COL5A3: variants seen among roughly 807,000 people sequenced by gnomAD.
The protein encoded by COL5A3 is collagen type V alpha 3 chain, also known as collagen alpha-3(V) chain.
A neutral mutation model predicts 250.0 loss-of-function variants in COL5A3; 172 were observed. The ratio of observed to expected loss-of-function variants is 0.69; its 90% CI spans 0.61 to 0.78. The LOEUF (loss-of-function observed/expected upper bound fraction) is 0.78. Ranked by LOEUF, COL5A3 falls within the 30% of genes least tolerant of loss-of-function variation. The pLI is 0.00. For synonymous variants in COL5A3, 937 were observed against 900.4 expected (o/e 1.04, Z -0.73); for missense variants, 2,340 against 2,334.4 (o/e 1.00, Z -0.05).
chr19:9,982,298 C>T (rs2087022529), intron 31 of COL5A3, among the ~76,000 whole-genome samples, 180 bp from the exon 32 acceptor site: 1 of 152,118 alleles, frequency 6.6e-6, no homozygotes, highest in Non-Finnish European at 1.5e-5. Flanking sequence ...CCTCTCCTCC[C>T]TTCTCATTTC....
rs749019616 is a variant in COL5A3, at chr19:9,972,993, A to T, written c.3700T>A (p.Ser1234Thr). The change falls in exon 51 of 67, where the codon TCA (serine) becomes ACA (threonine). Residue 1234 changes from serine (S) to threonine (T), a missense_variant. Transcript: ENST00000264828. ...PKGDIGEKGD[S>T]GPSGAAGPPG... ...GGTCCAGCAGCTCCAGATGGGCCTG[A>T]GTCCCCCTTTTCACCAATGTCTCCC... The T allele has an allele frequency of 3.1e-6, 5 of 1,610,868 alleles. No individual in the cohort carries two copies.
chr19:9,960,578 G>C, intron 66 of COL5A3, 21 bp from the exon 67 acceptor site: 2 of 1,613,950 alleles, frequency 1.2e-6, no homozygotes, highest in Middle Eastern at 1.7e-4. Flanking sequence ...AGAAGACAGA[G>C]ACGGTGAGTT....
Position 9,986,614 on chromosome 19 carries a change from GGAGA to G in COL5A3, c.2191-12_2191-9del, listed in dbSNP as rs1313655596. ...TGGGAAGCCGTCCTCTCCCTGGGTG[GGAGA>G]GACAGAGGCCAGAAGTGAGGGCCTC... On this transcript the variant is annotated splice_polypyrimidine_tract_variant and intron_variant, in intron 28 of 66. Coordinates refer to ENST00000264828, the MANE Select transcript of COL5A3 (RefSeq NM_015719.4). 1 of 1,613,944 alleles carries G rather than the reference GGAGA, an allele frequency of 6.2e-7. No homozygotes were observed. Among genetic ancestry groups the G allele is most frequent in the Admixed American group, 1.7e-5 (1 of 59,984 alleles).
Position 9,989,469 on chromosome 19 carries a change from C to T in COL5A3, c.2046G>A (p.Leu682=). The T allele has an allele frequency of 6.2e-7, 1 of 1,613,656 alleles. No homozygotes were observed. The highest frequency in any genetic ancestry group is 1.1e-5 in the South Asian group (1 of 90,998). The part of the protein sequence containing the change: ...IPGLPGSDGP[L]GHPGHEGPTG... ...CCTTTTCCCAGCTCATGGTTCTCAC[C>T]AGAGGGCCATCGGATCCTGGGAGGC... The change falls in exon 25 of 67, where the codon CTG becomes CTA. Residue 682 remains leucine, a splice_region_variant and synonymous_variant. Transcript: ENST00000264828.
At chr19:9,964,446 T>TA (rs2086710612) in intron 64 of COL5A3, among the ~76,000 whole-genome samples, 1 of 151,632 alleles carries the variant, frequency 6.6e-6, no homozygotes, top group African/African-American at 2.4e-5. Flanking sequence ...ATAAGAAATT[T>TA]AAAAAATTAG....
chr19:9,996,593 G>T (rs751830748), intron 12 of COL5A3, 22 bp downstream of exon 12: 4 of 1,613,804 alleles, frequency 2.5e-6, no homozygotes, highest in Non-Finnish European at 3.4e-6. Context: ...CCCAAGGCTG[G>T]GCCACTCCAT....
intron 61 of COL5A3, 113 bp downstream of exon 61, chr19:9,967,791 G>A (rs1207438861): frequency 8.4e-6 from 9 of 1,072,110 alleles, no homozygotes; most frequent in African/African-American, 3.2e-5. Flanking sequence ...TTTGTCGAAC[G>A]CACGATTGCA....
At chr19:9,993,867 T>G in intron 16 of COL5A3, 61 bp from the exon 17 acceptor site, 1 of 1,452,830 alleles carries the variant, frequency 6.9e-7, no homozygotes, top group South Asian at 1.2e-5. Flanking sequence ...TCCACCAAAT[T>G]AGGAACCCAA....
At position 10,001,543 on chromosome 19, in the gene COL5A3, G is replaced by C. The variant is rs376280051; in HGVS notation, c.1091C>G (p.Thr364Ser). 2 of 1,614,110 alleles carry C rather than the reference G, an allele frequency of 1.2e-6. No homozygotes were observed. The highest frequency in any genetic ancestry group is 1.7e-6 in the Non-Finnish European group (2 of 1,180,022). The change falls in exon 8 of 67, where the codon ACT becomes AGT. Residue 364 changes from threonine (T) to serine (S), a missense_variant. Thr to Ser is a moderately conservative substitution (Grantham distance 58, BLOSUM62 1). This residue lies in a region of COL5A3 where 1,152 missense variants were observed against 1,146.3 expected (regional missense o/e 1.00). Coordinates refer to ENST00000264828, the MANE Select transcript of COL5A3 (RefSeq NM_015719.4). ...ACTCACAGGAAAGATCTGGAACTGA[G>C]TCCGAGATGGATATTCTGCTGCCCG... Reference protein sequence around the residue: ...DFRAAEYPSRTQFQIFPGAGE... With the variant: ...DFRAAEYPSRSQFQIFPGAGE...
chr19:9,966,845 A>C, intron 62 of COL5A3, 99 bp from the exon 63 acceptor site: 1 of 921,042 alleles, frequency 1.1e-6, no homozygotes, highest in East Asian at 2.7e-5. Flanking sequence ...AGACAGACAC[A>C]AATGAGAAAG....
At position 9,968,098 on chromosome 19, in the gene COL5A3, G is replaced by A; in HGVS notation, c.4315-19C>T. ...GGGGACCCTAGGAAAAGGACATCGG[G>A]TCAGTATTGGTGGGGTACACCCTAT... On this transcript the variant is annotated intron_variant, in intron 59 of 66. Coordinates refer to ENST00000264828, the MANE Select transcript of COL5A3 (RefSeq NM_015719.4). This position sits in a 1 kb window ranked among gnomAD's most constrained non-coding sequence, Gnocchi z 4.1. The A allele has an allele frequency of 6.3e-7, 1 of 1,585,274 alleles. No individual in the cohort carries two copies. The highest frequency in any genetic ancestry group is 8.5e-7 in the Non-Finnish European group (1 of 1,171,460).
At position 9,989,361 on chromosome 19, in the gene COL5A3, G is replaced by A. The variant is rs2087154552; in HGVS notation, c.2052C>T (p.His684=). The A allele has an allele frequency of 3.1e-6, 5 of 1,614,024 alleles. No homozygotes were observed. The highest frequency in any genetic ancestry group is 1.7e-6 in the Non-Finnish European group (2 of 1,180,022). The change falls in exon 26 of 67, where the codon CAC becomes CAT. Residue 684 remains histidine, a synonymous_variant. Transcript: ENST00000264828. ...CTCCCGTGGGGCCCTCATGTCCTGG[G>A]TGACCCTGGGGAAGAAACATTCTCA... ...GLPGSDGPLG[H]PGHEGPTGEK...
At chr19:9,961,216 G>A (rs1040511084) in intron 65 of COL5A3, among the ~76,000 whole-genome samples, 1 of 152,088 alleles carries the variant, frequency 6.6e-6, no homozygotes, top group Non-Finnish European at 1.5e-5. Flanking sequence ...CTTGTGAGTC[G>A]CTGGATCTAC....
Position 10,009,502 on chromosome 19 carries a change from G to A in COL5A3, c.88+796C>T, listed in dbSNP as rs2087495076. Among the ~76,000 whole-genome samples, 1 of 151,876 alleles carries A rather than the reference G, an allele frequency of 6.6e-6. No individual in the cohort carries two copies. The highest frequency in any genetic ancestry group is 2.1e-4 in the South Asian group (1 of 4,808). ...AGCAGCTGGGGTGGGGAGGGGGGGA[G>A]CAACTTCCACTCCTGCCCCGCCCTG... On this transcript the variant is annotated intron_variant, in intron 1 of 66. Coordinates refer to ENST00000264828, the MANE Select transcript of COL5A3 (RefSeq NM_015719.4). The surrounding 1 kb of genome is among the most constrained non-coding windows in gnomAD (Gnocchi z 4.4).
chr19:9,974,219 C>T lies in COL5A3; in HGVS notation c.3456G>A (p.Leu1152=). 1 of 1,614,010 alleles carries T rather than the reference C, an allele frequency of 6.2e-7. No individual in the cohort carries two copies. Among genetic ancestry groups the T allele is most frequent in the Non-Finnish European group, 8.5e-7 (1 of 1,179,970 alleles). The change falls in exon 47 of 67, where the codon CTG becomes CTA. Residue 1152 remains leucine, a synonymous_variant. Coordinates refer to ENST00000264828, the MANE Select transcript of COL5A3 (RefSeq NM_015719.4). ...CCCCTTTCTCTCCCGGAGGGCCTGG[C>T]AGCCCCTGTGGAACAAAGAAGCAAG... ...GVIGPPGLQG[L]PGPPGEKGEV... is the part of the protein sequence containing the mutation.
At chr19:9,998,272 G>C in intron 8 of COL5A3, 123 bp from the exon 9 acceptor site, 1 of 989,430 alleles carries the variant, frequency 1.0e-6, no homozygotes, top group Non-Finnish European at 1.5e-6. Context: ...TCCACCCTCA[G>C]AGCCCCTTCT....
intron 31 of COL5A3, among the ~76,000 whole-genome samples, chr19:9,983,853 A>AG (rs1014079665): frequency 2.0e-4 from 28 of 137,386 alleles, no homozygotes; most frequent in African/African-American, 6.7e-4. Flanking sequence ...ATCGTTAAAA[A>AG]GAAAAAAAAA....
chr19:9,974,374 G>C lies in COL5A3; in HGVS notation c.3377C>G (p.Pro1126Arg), dbSNP rs1407366703. 6.2e-7 allele frequency: 1 copy of C among 1,610,460 alleles called. No homozygotes were observed. The highest frequency in any genetic ancestry group is 8.5e-7 in the Non-Finnish European group (1 of 1,178,584). The change falls in exon 46 of 67, where the codon CCA (proline) becomes CGA (arginine). Residue 1126 changes from proline (P) to arginine (R), a missense_variant. By Grantham distance (103) the Pro-to-Arg change is moderately radical. Around this residue, in one of 3 missense-constraint regions of COL5A3, gnomAD observed 1,179 missense variants for 1,162.6 expected, o/e 1.01. Coordinates refer to ENST00000264828, the MANE Select transcript of COL5A3 (RefSeq NM_015719.4). ...ADGAQGRRGP[P>R]GLFGQKGDDG... The stretch of plus-strand genomic sequence containing the variant: ...ATCTCCTTTCTGCCCAAAGAGGCCT[G>C]GGGGTCCCCGGCGCCCCTGAGCCCC...
chr19:9,967,315 G>C lies in COL5A3; in HGVS notation c.4458+32C>G, dbSNP rs551547083. ...GTCCTTGCTCTCCCCCCAGGTTTTG[G>C]TGTCCATTCCCCCGCCCCCCGGGGA... On this transcript the variant is annotated intron_variant, in intron 62 of 66. Transcript: ENST00000264828. 1.3e-5 allele frequency: 18 copies of C among 1,398,626 alleles called. No individual in the cohort carries two copies. The East Asian group carries it at 4.6e-4, about 35-fold the overall frequency. 86.6% of individuals were successfully genotyped at this position (1,398,626 alleles called of 1,614,324 possible).
Sources: allele counts gnomAD v4.1 joint callset (sites outside exome capture counted in the v4.1 genomes callset), GRCh38; gene constraint gnomAD v4.1.1; regional missense constraint gnomAD v4.1.1; non-coding constraint Gnocchi (gnomAD v3.1); transcripts MANE v1.5; gene names NCBI Gene and HGNC (gene_info 2026-07-23, HGNC 2026-07-21).